NANP: variants seen among roughly 807,000 people sequenced by gnomAD.
The protein encoded by NANP is N-acetylneuraminic acid phosphatase.
A neutral mutation model predicts 16.9 loss-of-function variants in NANP; 15 were observed. The ratio of observed to expected loss-of-function variants is 0.89; its 90% CI spans 0.59 to 1.37. The LOEUF is 1.37. Among genes scored for constraint, NANP ranks in the 40% most tolerant of loss-of-function variants. The pLI, the probability that NANP is intolerant of heterozygous loss-of-function variation, is 0.00. For synonymous variants in NANP, 135 were observed against 112.6 expected (o/e 1.20, Z -1.26); for missense variants, 290 against 303.5 (o/e 0.96, Z 0.33).
In NANP at chr20:25,616,085, T is replaced by G; in HGVS notation, c.587A>C (p.Gln196Pro). 1 of 1,614,208 alleles carries G rather than the reference T, an allele frequency of 6.2e-7. No individual in the cohort carries two copies. Among genetic ancestry groups the G allele is most frequent in the South Asian group, 1.1e-5 (1 of 91,080 alleles). Reference protein sequence around the residue: ...MVGDTLETDIQGGLNAGLKAT... With the variant: ...MVGDTLETDIPGGLNAGLKAT... ...TTTCAATCCTGCATTGAGGCCTCCT[T>G]GGATGTCGGTTTCTAATGTGTCACC... is the stretch of plus-strand genomic sequence containing the variant. The change falls in exon 2 of 2, where the codon CAA becomes CCA. Residue 196 changes from glutamine to proline, a missense_variant. Gln to Pro is a moderately conservative substitution (Grantham distance 76). Transcript: ENST00000304788.
At chr20:25,617,188 A>G (rs931834668) in intron 1 of NANP, among the ~76,000 whole-genome samples, 1 of 152,016 alleles carries the variant, frequency 6.6e-6, no homozygotes, top group African/African-American at 2.4e-5. Context: ...TAAATTGACT[A>G]TCACCTATAA....
intron 1 of NANP, among the ~76,000 whole-genome samples, chr20:25,621,877 T>C (rs2065365632): frequency 6.6e-6 from 1 of 152,180 alleles, no homozygotes; most frequent in African/African-American, 2.4e-5. Context: ...TTACAATGAT[T>C]TGTAATTATA....
In NANP at chr20:25,615,742, T is replaced by C. The variant is rs2065340382; in HGVS notation, c.*183A>G. The C allele has an allele frequency of 1.7e-6, 1 of 604,192 alleles. No homozygotes were observed. 37.4% of individuals were successfully genotyped at this position (604,192 alleles called of 1,614,324 possible). On this transcript the variant is annotated 3_prime_UTR_variant, in exon 2 of 2. Transcript: ENST00000304788. The stretch of plus-strand genomic sequence containing the variant: ...CTGAATTTTCAGATATAAGTACCAC[T>C]CAATGGTTGGTTGTTACAACTTAGA...
In NANP at chr20:25,623,885, C is replaced by G; in HGVS notation, c.64G>C (p.Gly22Arg). 1 of 1,613,640 alleles carries G rather than the reference C, an allele frequency of 6.2e-7. No individual in the cohort carries two copies. The highest frequency in any genetic ancestry group is 8.5e-7 in the Non-Finnish European group (1 of 1,179,794). ...DLDNTLIDTA[G>R]ASRRGMLEVI... ...TCCAACATGCCTCTCCTGCTCGCCCCGGCCGTGTCGATGAGAGTGTTGTCC... is the reference window on the plus strand; with the variant it reads ...TCCAACATGCCTCTCCTGCTCGCCCGGGCCGTGTCGATGAGAGTGTTGTCC... The change falls in exon 1 of 2, where the codon GGG (glycine) becomes CGG (arginine). Residue 22 changes from glycine to arginine, a missense_variant. Gly to Arg is a moderately radical substitution (Grantham distance 125, BLOSUM62 -2). Transcript: ENST00000304788.
intron 1 of NANP, among the ~76,000 whole-genome samples, chr20:25,620,528 A>C (rs79132386): frequency 0.052 from 7,944 of 152,320 alleles, 219 homozygotes; most frequent in Middle Eastern, 0.11. Flanking sequence ...TGATTTTAAA[A>C]GACTTTTTGA....
At position 25,616,365 on chromosome 20, in the gene NANP, T is replaced by C. The variant is rs1433846460; in HGVS notation, c.307A>G (p.Thr103Ala). ...GCTAGTGTCATATGCTGTAAACGTG[T>C]AGATTTCCAAAGGAAATAACATTCT... ...AEECYFLWKS[T>A]RLQHMTLAED... is the part of the protein sequence containing the mutation. The change falls in exon 2 of 2, where the codon ACA becomes GCA. Residue 103 changes from threonine to alanine, a missense_variant. Thr to Ala is a moderately conservative substitution (Grantham distance 58). Coordinates refer to ENST00000304788, the MANE Select transcript of NANP (RefSeq NM_152667.3). The C allele has an allele frequency of 1.2e-6, 2 of 1,614,194 alleles. No individual in the cohort carries two copies. The highest frequency in any genetic ancestry group is 1.3e-5 in the African/African-American group (1 of 75,070).
chr20:25,619,939 A>C (rs6037160), intron 1 of NANP, among the ~76,000 whole-genome samples: 1 of 152,112 alleles, frequency 6.6e-6, no homozygotes, highest in Non-Finnish European at 1.5e-5. Flanking sequence ...TAAAAGGGAG[A>C]TGTTTATAAA....
Position 25,623,967 on chromosome 20 carries a change from G to C in NANP, c.-19C>G, listed in dbSNP as rs1449377947. ...GCCCCATAGCGCCGGCCGCTGGCGC[G>C]AACCGTAGCCTTGCCACCGCCGCCT... On this transcript the variant is annotated 5_prime_UTR_variant, in exon 1 of 2. Coordinates refer to ENST00000304788, the MANE Select transcript of NANP (RefSeq NM_152667.3). The C allele has an allele frequency of 5.6e-6, 9 of 1,609,976 alleles. No homozygotes were observed. Among genetic ancestry groups the C allele is most frequent in the African/African-American group, 4.0e-5 (3 of 74,804 alleles).
chr20:25,623,440 G>T (rs372896834), intron 1 of NANP, among the ~76,000 whole-genome samples: 3 of 152,316 alleles, frequency 2.0e-5, no homozygotes, highest in African/African-American at 7.2e-5. Flanking sequence ...TCTCCTCCCA[G>T]CAACCCCGAA....
chr20:25,618,485 T>C (rs2065352365), intron 1 of NANP, among the ~76,000 whole-genome samples: 1 of 152,070 alleles, frequency 6.6e-6, no homozygotes, highest in African/African-American at 2.4e-5. Context: ...TCACAGATAG[T>C]TTGTGAAGGG....
At position 25,616,004 on chromosome 20, in the gene NANP, G is replaced by A. The variant is rs745703224; in HGVS notation, c.668C>T (p.Pro223Leu). The change falls in exon 2 of 2, where the codon CCG becomes CTG. Residue 223 changes from proline to leucine, a missense_variant. Transcript: ENST00000304788. ...GIVPLKSSPV[P>L]HYMVSSVLEL... ...TAGCACAGAAGAAACCATGTAATGC[G>A]GAACTGGGGAGGACTTCAGTGGCAC... is the stretch of plus-strand genomic sequence containing the variant. 7.4e-6 allele frequency: 12 copies of A among 1,614,028 alleles called. No homozygotes were observed. The highest frequency in any genetic ancestry group is 4.4e-5 in the South Asian group (4 of 91,086).
Position 25,623,923 on chromosome 20 carries a change from A to G in NANP, c.26T>C (p.Val9Ala). MGLSRVRAVFFDLDNTLID... is the reference protein window; with the variant it reads MGLSRVRAAFFDLDNTLID... ...GAGAGTGTTGTCCAAGTCAAAGAAA[A>G]CCGCCCGCACGCGGCTCAGCCCCAT... The change falls in exon 1 of 2, where the codon GTT becomes GCT. Residue 9 changes from valine to alanine, a missense_variant. By Grantham distance (64) the Val-to-Ala change is moderately conservative. Transcript: ENST00000304788. The G allele has an allele frequency of 1.2e-6, 2 of 1,612,444 alleles. No individual in the cohort carries two copies. The highest frequency in any genetic ancestry group is 2.7e-5 in the African/African-American group (2 of 74,694).
In NANP at chr20:25,612,984, A is replaced by G. The variant is rs1274156078; in HGVS notation, c.*2941T>C. The stretch of plus-strand genomic sequence containing the variant: ...TTTTGACTTGTGTACTACAAGTAGT[A>G]CTTGTTCAACAATGAATATATTCCC... On this transcript the variant is annotated 3_prime_UTR_variant, in exon 2 of 2. Coordinates refer to ENST00000304788, the MANE Select transcript of NANP (RefSeq NM_152667.3). 6.6e-6 allele frequency: 1 copy of G among 152,218 alleles called. No homozygotes were observed. Among genetic ancestry groups the G allele is most frequent in the Non-Finnish European group, 1.5e-5 (1 of 68,036 alleles). 9.4% of individuals were successfully genotyped at this position (152,218 alleles called of 1,614,324 possible). A position where few individuals can be genotyped will look rare whatever the true frequency, so the allele number is the denominator to read the frequency against.
chr20:25,619,673 T>C (rs187502290), intron 1 of NANP, among the ~76,000 whole-genome samples: 53 of 152,306 alleles, frequency 3.5e-4, no homozygotes, highest in Admixed American at 1.1e-3. Context: ...CCATCTTTGC[T>C]AGCAACATCA....
intron 1 of NANP, among the ~76,000 whole-genome samples, chr20:25,623,110 T>G (rs556015765): frequency 1.3e-5 from 2 of 152,312 alleles, no homozygotes; most frequent in African/African-American, 4.8e-5. Flanking sequence ...CCACATCTGA[T>G]AAATCCTTCC....
chr20:25,621,919 T>A (rs2065365821), intron 1 of NANP, among the ~76,000 whole-genome samples: 1 of 152,236 alleles, frequency 6.6e-6, no homozygotes, highest in South Asian at 2.1e-4. Context: ...AGTCTCGAAG[T>A]AAAAATTTGT....
At chr20:25,617,486 C>T (rs2065347947) in intron 1 of NANP, among the ~76,000 whole-genome samples, 1 of 151,886 alleles carries the variant, frequency 6.6e-6, no homozygotes, top group African/African-American at 2.4e-5. Context: ...ACTAGGATTA[C>T]AGGCGTGAAC....
chr20:25,623,910 C>T lies in NANP; in HGVS notation c.39G>A (p.Leu13=). The change falls in exon 1 of 2, where the codon TTG becomes TTA. Residue 13 remains leucine, a synonymous_variant. Transcript: ENST00000304788. ...LSRVRAVFFD[L]DNTLIDTAGA... is the part of the protein sequence containing the mutation. ...CGGCCGTGTCGATGAGAGTGTTGTCCAAGTCAAAGAAAACCGCCCGCACGC... is the reference window on the plus strand; with the variant it reads ...CGGCCGTGTCGATGAGAGTGTTGTCTAAGTCAAAGAAAACCGCCCGCACGC... The T allele has an allele frequency of 6.2e-7, 1 of 1,613,534 alleles. No homozygotes were observed. The highest frequency in any genetic ancestry group is 8.5e-7 in the Non-Finnish European group (1 of 1,179,742).
intron 1 of NANP, among the ~76,000 whole-genome samples, chr20:25,618,467 G>A (rs1171437047): frequency 6.6e-6 from 1 of 152,164 alleles, no homozygotes; most frequent in Admixed American, 6.5e-5. Flanking sequence ...TGCAACTGGG[G>A]AACCTGTTCA....
Sources: gnomAD v4.1 joint callset for allele counts (sites outside exome capture counted in the v4.1 genomes callset) on GRCh38, gnomAD v4.1.1 for gene constraint, MANE v1.5 for transcripts, NCBI Gene and HGNC (gene_info 2026-07-23, HGNC 2026-07-21) for gene names.